SLC44A5: variants seen among roughly 807,000 people sequenced by gnomAD.
SLC44A5 encodes choline transporter-like protein 5.
A neutral mutation model predicts 101.8 loss-of-function variants in SLC44A5; 57 were observed. The ratio of observed to expected loss-of-function variants is 0.56; its 90% CI spans 0.45 to 0.70. The LOEUF is 0.70. Ranked by LOEUF, SLC44A5 falls within the 30% of genes least tolerant of loss-of-function variation. The pLI, the probability that SLC44A5 is intolerant of heterozygous loss-of-function variation, is 0.00. For missense variants in SLC44A5, 737 were observed against 853.1 expected (o/e 0.86, Z 1.70); for synonymous variants, 281 against 290.9 (o/e 0.97, Z 0.35).
chr1:75,352,144 C>A (rs1391441684), intron 3 of SLC44A5, among the ~76,000 whole-genome samples: 1 of 151,978 alleles, frequency 6.6e-6, no homozygotes, highest in Non-Finnish European at 1.5e-5. Context: ...AAGATAAATT[C>A]TGTGTTTTAA....
intron 2 of SLC44A5, among the ~76,000 whole-genome samples, chr1:75,467,556 AAGGTG>A (rs1666889198): frequency 6.6e-6 from 1 of 152,210 alleles, no homozygotes; most frequent in Non-Finnish European, 1.5e-5. Flanking sequence ...ATTTTCAATA[AAGGTG>A]CCAAGAACAT....
intron 2 of SLC44A5, among the ~76,000 whole-genome samples, chr1:75,524,815 T>C (rs1054788337): frequency 6.6e-6 from 1 of 152,158 alleles, no homozygotes; most frequent in Non-Finnish European, 1.5e-5. Flanking sequence ...AATTTTATAA[T>C]ATATATCCTT....
intron 3 of SLC44A5, among the ~76,000 whole-genome samples, chr1:75,394,488 A>G (rs1358148876): frequency 6.6e-6 from 1 of 152,054 alleles, no homozygotes; most frequent in Admixed American, 6.6e-5. Context: ...TAGGCAAGAG[A>G]GAGAGGGGAT....
the SLC44A5 span, among the ~76,000 whole-genome samples, chr1:75,699,893 T>C: frequency 1.3e-5 from 2 of 151,654 alleles, no homozygotes; most frequent in Non-Finnish European, 2.9e-5. Context: ...CCAACAAAGA[T>C]CAAAAGAGAC....
At chr1:75,709,288 T>C in the SLC44A5 span, among the ~76,000 whole-genome samples, 1 of 152,238 alleles carries the variant, frequency 6.6e-6, no homozygotes, top group Non-Finnish European at 1.5e-5. Context: ...AGATTTCAAA[T>C]ACTTAGAAAT....
chr1:75,205,915 T>C (rs1646741950), intron 23 of SLC44A5: 1 of 152,184 alleles, frequency 6.6e-6, no homozygotes, highest in Non-Finnish European at 1.5e-5. Flanking sequence ...CAGAGGTTCA[T>C]GTTGTTGGAA....
intron 2 of SLC44A5, among the ~76,000 whole-genome samples, chr1:75,502,863 G>A (rs927931633): frequency 8.6e-5 from 13 of 152,012 alleles, no homozygotes; most frequent in Admixed American, 7.9e-4. Flanking sequence ...AATAGGCCTC[G>A]CACTGGGAAC....
At chr1:75,566,228 T>C (rs1353851742) in intron 1 of SLC44A5, among the ~76,000 whole-genome samples, 1 of 152,174 alleles carries the variant, frequency 6.6e-6, no homozygotes, top group East Asian at 1.9e-4. Flanking sequence ...TACTAGCTAT[T>C]TATGATAAAA....
the SLC44A5 span, among the ~76,000 whole-genome samples, chr1:75,670,650 T>C: frequency 6.6e-6 from 1 of 152,162 alleles, no homozygotes; most frequent in African/African-American, 2.4e-5. Flanking sequence ...AATCTATATA[T>C]AGGAGAAAAT....
chr1:75,324,591 T>C (rs1043452068), intron 4 of SLC44A5, among the ~76,000 whole-genome samples: 1 of 152,160 alleles, frequency 6.6e-6, no homozygotes, highest in African/African-American at 2.4e-5. Flanking sequence ...CATGCGTACA[T>C]CATGAGGTAG....
chr1:75,349,455 T>G (rs185224791), intron 3 of SLC44A5, among the ~76,000 whole-genome samples: 3 of 152,222 alleles, frequency 2.0e-5, no homozygotes, highest in Admixed American at 2.0e-4. Flanking sequence ...GATATAGAGA[T>G]GATGGAGACA....
At chr1:75,514,432 A>T (rs1669720648) in intron 2 of SLC44A5, among the ~76,000 whole-genome samples, 1 of 152,206 alleles carries the variant, frequency 6.6e-6, no homozygotes, top group South Asian at 2.1e-4. Context: ...CAGATACTCT[A>T]CAGGCCCCAA....
In SLC44A5 at chr1:75,399,983, C is replaced by G. The variant is rs551311392; in HGVS notation, c.14-3362G>C. 3.9e-5 allele frequency among the ~76,000 whole-genome samples: 6 copies of G among 152,286 alleles called. No homozygotes were observed. The South Asian group carries it at 1.2e-3, about 32-fold the overall frequency. On this transcript the variant is annotated intron_variant, in intron 2 of 23. Coordinates refer to ENST00000370859, the MANE Select transcript of SLC44A5 (RefSeq NM_001130058.2). ...AAAGAAAATGTGGTACATACACAACCATGGAATACTAAGCCGCTGTTAAAA... is the reference window on the plus strand; with the variant it reads ...AAAGAAAATGTGGTACATACACAACGATGGAATACTAAGCCGCTGTTAAAA...
intron 13 of SLC44A5, among the ~76,000 whole-genome samples, chr1:75,224,841 A>T (rs1647164393): frequency 6.6e-6 from 1 of 152,032 alleles, no homozygotes; most frequent in Non-Finnish European, 1.5e-5. Flanking sequence ...ATGTTTTTGT[A>T]CAGCTGTTTG....
chr1:75,247,844 GA>G (rs143013146), intron 7 of SLC44A5, among the ~76,000 whole-genome samples: 77,949 of 151,304 alleles, frequency 0.52, 21,943 homozygotes, highest in East Asian at 0.93. Flanking sequence ...TTGAAGTAGG[GA>G]TAAAAGCTTG....
chr1:75,339,883 C>T (rs889527246), intron 3 of SLC44A5, among the ~76,000 whole-genome samples: 8 of 152,130 alleles, frequency 5.3e-5, no homozygotes, highest in Admixed American at 3.9e-4. Flanking sequence ...TATCCTCCCA[C>T]CATACTGAGT....
chr1:75,410,532 G>T (rs12407255), intron 2 of SLC44A5, among the ~76,000 whole-genome samples: 12,755 of 152,146 alleles, frequency 0.084, 764 homozygotes, highest in Admixed American at 0.18. Flanking sequence ...CATATCTTTT[G>T]TCTAGAATTA....
intron 9 of SLC44A5, 65 bp from the exon 10 acceptor site, chr1:75,238,701 T>A: frequency 9.2e-7 from 1 of 1,081,890 alleles, no homozygotes; most frequent in Non-Finnish European, 1.3e-6. Context: ...TGTCCTCCCT[T>A]TCTTAAGCTT....
intron 4 of SLC44A5, among the ~76,000 whole-genome samples, chr1:75,327,788 C>G (rs906277242): frequency 6.6e-6 from 1 of 152,180 alleles, no homozygotes; most frequent in Non-Finnish European, 1.5e-5. Context: ...AGAAAATGAC[C>G]TTGGTATGGA....
Sources: gnomAD v4.1 joint callset for allele counts (sites outside exome capture counted in the v4.1 genomes callset) on GRCh38, gnomAD v4.1.1 for gene constraint, MANE v1.5 for transcripts, NCBI Gene and HGNC (gene_info 2026-07-23, HGNC 2026-07-21) for gene names.